The following CNTNAP2 variants were observed in gnomAD, a reference collection of about 807,000 sequenced individuals.
CNTNAP2 encodes the protein contactin associated protein 2.
Under a neutral mutation model 155.2 loss-of-function variants are expected in CNTNAP2, and 98 were observed. The observed-to-expected ratio is 0.63, with a 90% CI of 0.54 to 0.75. CNTNAP2 has a LOEUF of 0.75. CNTNAP2 is among the 30% of genes least tolerant of loss of function. The pLI, the probability that CNTNAP2 is intolerant of heterozygous loss-of-function variation, is 0.00. For missense variants in CNTNAP2, 1,727 were observed against 1,688.1 expected (o/e 1.02, Z -0.40); for synonymous variants, 651 against 631.2 (o/e 1.03, Z -0.47).
rs1304429090 is a variant in CNTNAP2, at chr7:147,732,187, C to T, written c.2098+92881C>T. Among the ~76,000 whole-genome samples the T allele has an allele frequency of 3.6e-4, 49 of 137,444 alleles. 1 individual carries two copies. Among genetic ancestry groups the T allele is most frequent in the South Asian group, 1.3e-3 (5 of 3,878 alleles). The allele number at this position is 137,444 out of a possible 152,430, so 90.2% of individuals were successfully genotyped here. A position where few individuals can be genotyped will look rare whatever the true frequency, so the allele number is the denominator to read the frequency against. On this transcript the variant is annotated intron_variant, in intron 13 of 23. Coordinates refer to ENST00000361727, the MANE Select transcript of CNTNAP2 (RefSeq NM_014141.6). ...TATCTCCTAATGCTATCCCTCCCCC[C>T]CCCACCACCCCCATGACAGGCCCCA...
chr7:146,576,110 T>C (rs1798520218), intron 1 of CNTNAP2, among the ~76,000 whole-genome samples: 1 of 152,168 alleles, frequency 6.6e-6, no homozygotes, highest in African/African-American at 2.4e-5. Context: ...TGTCACTGAA[T>C]ATATGGCCTT....
Position 148,260,916 on chromosome 7 carries a change from AAGT to A in CNTNAP2, c.3382-6112_3382-6110del, listed in dbSNP as rs375025406. On this transcript the variant is annotated intron_variant, in intron 20 of 23. Coordinates refer to ENST00000361727, the MANE Select transcript of CNTNAP2 (RefSeq NM_014141.6). The stretch of plus-strand genomic sequence containing the variant: ...GTGCTTATGCAACAGGGTGAACAAA[AAGT>A]AGTAATTTTGAAAAAGTAACTAACT... Among the ~76,000 whole-genome samples, 305 of 152,366 alleles carry A rather than the reference AAGT, an allele frequency of 2.0e-3. 2 individuals are homozygous for A. The highest frequency in any genetic ancestry group is 3.8e-3 in the Non-Finnish European group (258 of 68,032).
chr7:146,698,743 A>G (rs1800825980), intron 1 of CNTNAP2, among the ~76,000 whole-genome samples: 1 of 151,826 alleles, frequency 6.6e-6, no homozygotes, highest in Non-Finnish European at 1.5e-5. Context: ...TCTCCTCCAT[A>G]TATTATTTGC....
intron 18 of CNTNAP2, among the ~76,000 whole-genome samples, chr7:148,209,410 C>T (rs746976898): frequency 5.3e-5 from 8 of 151,408 alleles, no homozygotes; most frequent in Non-Finnish European, 1.0e-4. Flanking sequence ...CTGGGATTAC[C>T]GTGTGAGCCA....
At chr7:147,152,563 TTGG>T (rs948690235) in intron 8 of CNTNAP2, among the ~76,000 whole-genome samples, 99 of 152,180 alleles carry the variant, frequency 6.5e-4, no homozygotes, top group African/African-American at 2.2e-3. Context: ...GGTACTGATC[TTGG>T]TAGTACGAAA....
intron 3 of CNTNAP2, among the ~76,000 whole-genome samples, chr7:146,860,220 G>A (rs1178662448): frequency 6.6e-6 from 1 of 152,230 alleles, no homozygotes; most frequent in Admixed American, 6.5e-5. Flanking sequence ...ATAAAGGTGT[G>A]ATTATGCAGT....
At chr7:146,783,666 G>GT (rs1311143763) in intron 2 of CNTNAP2, among the ~76,000 whole-genome samples, 1 of 152,092 alleles carries the variant, frequency 6.6e-6, no homozygotes, top group Non-Finnish European at 1.5e-5. Flanking sequence ...TCAACACCTT[G>GT]TTTTTGTTTT....
chr7:147,802,812 A>AGGGAGAGGGAGG, intron 13 of CNTNAP2, among the ~76,000 whole-genome samples: 1 of 149,558 alleles, frequency 6.7e-6, no homozygotes, highest in Non-Finnish European at 1.5e-5. Flanking sequence ...GGAGAGGGAG[A>AGGGAGAGGGAGG]GGGAGAGGGA....
chr7:147,258,137 A>G (rs928281336), intron 8 of CNTNAP2, among the ~76,000 whole-genome samples: 2 of 152,236 alleles, frequency 1.3e-5, no homozygotes, highest in African/African-American at 4.8e-5. Context: ...CTGTTGGTGA[A>G]ATCACTCAAT....
intron 13 of CNTNAP2, among the ~76,000 whole-genome samples, chr7:147,742,128 C>G (rs1358447330): frequency 6.6e-6 from 1 of 152,078 alleles, no homozygotes; most frequent in Non-Finnish European, 1.5e-5. Flanking sequence ...AAAGGCCTGC[C>G]CCCCTGATTC....
intron 1 of CNTNAP2, among the ~76,000 whole-genome samples, chr7:146,414,480 T>C (rs6464759): frequency 0.39 from 59,129 of 152,078 alleles, 13,086 homozygotes; most frequent in African/African-American, 0.6. Context: ...GCAGCCGTCA[T>C]CTGGAAGGTG....
At chr7:147,624,960 T>G (rs1794941643) in intron 12 of CNTNAP2, among the ~76,000 whole-genome samples, 1 of 152,126 alleles carries the variant, frequency 6.6e-6, no homozygotes, top group Admixed American at 6.6e-5. Context: ...TGCAACAACA[T>G]GGATGGAACT....
chr7:147,376,030 T>C (rs1796427652), intron 9 of CNTNAP2, among the ~76,000 whole-genome samples: 1 of 152,024 alleles, frequency 6.6e-6, no homozygotes, highest in Admixed American at 6.6e-5. Flanking sequence ...ATAGCTTTTG[T>C]GGTTGGGAAG....
In CNTNAP2 at chr7:148,267,125, A is replaced by G. The variant is rs1554409689; in HGVS notation, c.3474A>G (p.Ile1158Met). ...AGTCGCTCTTTCTGGGAAAAGTTAT[A>G]GGTAAGAATGTGGTTCGTTAGGTAT... ...SPKSLFLGKVIETGKIDQEIH... is the reference protein window; with the variant it reads ...SPKSLFLGKVMETGKIDQEIH... Residue 1158 changes from isoleucine (I) to methionine (M), a missense_variant and splice_region_variant, in exon 21 of 24, where the codon ATA becomes ATG. By Grantham distance (10) the Ile-to-Met change is conservative. Transcript: ENST00000361727. The G allele has an allele frequency of 1.9e-6, 3 of 1,613,210 alleles. No individual in the cohort carries two copies. The highest frequency in any genetic ancestry group is 2.5e-6 in the Non-Finnish European group (3 of 1,179,188).
At chr7:147,489,189 T>C (rs775970101) in intron 11 of CNTNAP2, among the ~76,000 whole-genome samples, 12 of 152,234 alleles carry the variant, frequency 7.9e-5, no homozygotes, top group Non-Finnish European at 1.3e-4. Flanking sequence ...CATTTGTTAG[T>C]TTGTGTGTAC....
intron 6 of CNTNAP2, among the ~76,000 whole-genome samples, chr7:147,124,901 A>G (rs1187940797): frequency 2.6e-5 from 2 of 77,116 alleles, no homozygotes; most frequent in Non-Finnish European, 4.7e-5. Flanking sequence ...TTTTTTTTTG[A>G]GATGAAGTCT....
chr7:147,137,355 A>G (rs1284866481), intron 8 of CNTNAP2, among the ~76,000 whole-genome samples: 1 of 151,384 alleles, frequency 6.6e-6, no homozygotes, highest in East Asian at 1.9e-4. Flanking sequence ...TCCAAATCAG[A>G]ATGAAATAAT....
intron 14 of CNTNAP2, among the ~76,000 whole-genome samples, chr7:147,932,479 A>G (rs1019084295): frequency 3.9e-5 from 6 of 152,202 alleles, no homozygotes; most frequent in Non-Finnish European, 8.8e-5. Context: ...TTCTTCAATA[A>G]ATAGTGTTGG....
chr7:146,431,077 C>T (rs1240952665), intron 1 of CNTNAP2, among the ~76,000 whole-genome samples: 4 of 151,928 alleles, frequency 2.6e-5, no homozygotes. Flanking sequence ...TAAGAAAAAT[C>T]TGTCCATCTG....
Sources: gnomAD v4.1 joint callset for allele counts (sites outside exome capture counted in the v4.1 genomes callset) on GRCh38, gnomAD v4.1.1 for gene constraint, MANE v1.5 for transcripts, NCBI Gene and HGNC (gene_info 2026-07-23, HGNC 2026-07-21) for gene names.